The following CDC14A variants were observed in gnomAD, a reference collection of about 807,000 sequenced individuals.
CDC14A encodes dual specificity protein phosphatase CDC14A.
In CDC14A, 53 loss-of-function variants were observed where a neutral mutation model predicts 74.4. The observed-to-expected ratio is 0.71, with a 90% confidence interval of 0.57 to 0.89. CDC14A has a LOEUF of 0.89. Ranked by LOEUF, CDC14A falls within the 40% of genes least tolerant of loss-of-function variation. The probability of loss-of-function intolerance (pLI) is 0.00; values close to 1 mark genes in which losing one functional copy is unlikely to be tolerated. For synonymous variants in CDC14A, 247 were observed against 258.4 expected, an observed-to-expected ratio of 0.96 and a Z score of 0.43; for missense variants, 646 against 713.7, an observed-to-expected ratio of 0.91 and a Z score of 1.08.
chr1:100,385,933 G>A (rs962911971), intron 3 of CDC14A, among the ~76,000 whole-genome samples: 2 of 152,102 alleles, frequency 1.3e-5, no homozygotes, highest in Admixed American at 6.6e-5. Flanking sequence ...TTGAGAGGTC[G>A]GGGTGAGCAG....
intron 4 of CDC14A, chr1:100,393,424 C>G (rs1657986428): frequency 2.5e-6 from 2 of 790,114 alleles, no homozygotes; most frequent in South Asian, 2.7e-5. Flanking sequence ...TTTTTTTGAC[C>G]AGAGGAAGGG....
chr1:100,366,249 G>A (rs1217147798), intron 2 of CDC14A, among the ~76,000 whole-genome samples: 1 of 152,162 alleles, frequency 6.6e-6, no homozygotes, highest in African/African-American at 2.4e-5. Context: ...TGTATTGCAA[G>A]TACTCTGTGA....
intron 8 of CDC14A, among the ~76,000 whole-genome samples, chr1:100,459,702 C>T (rs181382562): frequency 6.6e-6 from 1 of 152,206 alleles, no homozygotes; most frequent in Admixed American, 6.5e-5. Flanking sequence ...GTGATGCCAG[C>T]GCACCATCTT....
chr1:100,364,211 T>C (rs1316049397), intron 2 of CDC14A, among the ~76,000 whole-genome samples: 2 of 152,098 alleles, frequency 1.3e-5, no homozygotes, highest in Non-Finnish European at 2.9e-5. Flanking sequence ...TTTTTTTTTT[T>C]TAATTTTTTA....
chr1:100,352,185 A>G (rs1464957673), upstream of CDC14A, among the ~76,000 whole-genome samples: 1 of 151,822 alleles, frequency 6.6e-6, no homozygotes, highest in Non-Finnish European at 1.5e-5. Context: ...GGCGATGTCC[A>G]CTCTCAACCC....
intron 2 of CDC14A, 99 bp downstream of exon 2, chr1:100,353,951 C>T (rs1377142284): frequency 4.4e-6 from 3 of 683,060 alleles, no homozygotes; most frequent in East Asian, 5.5e-5. Context: ...CATTTCCCCC[C>T]CAATGATACG....
chr1:100,469,164 C>T (rs576230358), intron 10 of CDC14A, among the ~76,000 whole-genome samples: 4 of 152,070 alleles, frequency 2.6e-5, no homozygotes, highest in Non-Finnish European at 4.4e-5. Flanking sequence ...TGTGTGAATT[C>T]GTAAAGAAAC....
At chr1:100,423,310 C>G (rs773718711) in intron 4 of CDC14A, among the ~76,000 whole-genome samples, 2 of 152,152 alleles carry the variant, frequency 1.3e-5, no homozygotes, top group African/African-American at 4.8e-5. Context: ...TCCTCCTTCC[C>G]CTTAGCTCTT....
At chr1:100,453,276 T>G (rs2101171906) in intron 7 of CDC14A, among the ~76,000 whole-genome samples, 1 of 152,366 alleles carries the variant, frequency 6.6e-6, no homozygotes, top group Middle Eastern at 3.4e-3. Context: ...AATGGATTTC[T>G]GTAATCCAAA....
chr1:100,376,630 C>T (rs1217636656), intron 2 of CDC14A, among the ~76,000 whole-genome samples: 1 of 152,126 alleles, frequency 6.6e-6, no homozygotes, highest in African/African-American at 2.4e-5. Flanking sequence ...GTGGAAGAGA[C>T]ATCACTTTTC....
chr1:100,369,779 T>A (rs569670937), intron 2 of CDC14A, among the ~76,000 whole-genome samples: 14 of 152,210 alleles, frequency 9.2e-5, no homozygotes, highest in Non-Finnish European at 1.6e-4. Flanking sequence ...TCATAAATTC[T>A]TTCCTGAGGC....
chr1:100,377,881 A>T (rs1655506602), intron 3 of CDC14A, among the ~76,000 whole-genome samples: 1 of 152,206 alleles, frequency 6.6e-6, no homozygotes, highest in Non-Finnish European at 1.5e-5. Flanking sequence ...AGAAAGCACA[A>T]ATCCTTTTAG....
Position 100,352,797 on chromosome 1 carries a change from C to T in CDC14A, c.-158C>T, listed in dbSNP as rs1251664861. The T allele has an allele frequency of 1.4e-6, 2 of 1,439,004 alleles. No individual in the cohort carries two copies. Among genetic ancestry groups the T allele is most frequent in the African/African-American group, 1.5e-5 (1 of 68,556 alleles). 89.1% of individuals were successfully genotyped at this position (1,439,004 alleles called of 1,614,324 possible). A position where few individuals can be genotyped will look rare whatever the true frequency, so the allele number is the denominator to read the frequency against. ...CCCGGGGCGCCCGGCGCGCTGACCC[C>T]GAAGCCGCCTCCGCCTTCGGCGCCT... On this transcript the variant is annotated 5_prime_UTR_variant, in exon 1 of 16. Coordinates refer to ENST00000336454, the MANE Select transcript of CDC14A (RefSeq NM_003672.4).
intron 7 of CDC14A, among the ~76,000 whole-genome samples, chr1:100,450,871 G>A (rs1666074139): frequency 6.6e-6 from 1 of 152,104 alleles, no homozygotes; most frequent in African/African-American, 2.4e-5. Context: ...GGCCTCTACT[G>A]AAACTGTTCC....
chr1:100,371,737 T>C (rs1036266477), intron 2 of CDC14A, among the ~76,000 whole-genome samples: 4 of 152,134 alleles, frequency 2.6e-5, no homozygotes, highest in Non-Finnish European at 5.9e-5. Flanking sequence ...ATTTTTGCTT[T>C]CCCAAAATTT....
chr1:100,457,305 A>T (rs917323456), intron 8 of CDC14A, among the ~76,000 whole-genome samples: 1 of 152,226 alleles, frequency 6.6e-6, no homozygotes, highest in African/African-American at 2.4e-5. Flanking sequence ...GCATCATAAC[A>T]TAGTTAATAT....
chr1:100,365,943 C>G (rs1278391205), intron 2 of CDC14A, among the ~76,000 whole-genome samples: 1 of 138,720 alleles, frequency 7.2e-6, no homozygotes, highest in Non-Finnish European at 1.6e-5. Flanking sequence ...CAAAATTTTA[C>G]ACACACACAC....
intron 15 of CDC14A, among the ~76,000 whole-genome samples, chr1:100,510,471 T>C (rs1173586158): frequency 6.6e-6 from 1 of 152,216 alleles, no homozygotes; most frequent in Non-Finnish European, 1.5e-5. Context: ...TCTGACATCT[T>C]GAATCCTGCC....
intron 4 of CDC14A, among the ~76,000 whole-genome samples, chr1:100,404,974 A>G (rs890673989): frequency 5.3e-5 from 8 of 152,238 alleles, no homozygotes; most frequent in African/African-American, 1.9e-4. Flanking sequence ...TTTGTGGTTC[A>G]TAGTTTCAAA....
Sources: gnomAD v4.1 joint callset for allele counts (sites outside exome capture counted in the v4.1 genomes callset) on GRCh38, gnomAD v4.1.1 for gene constraint, MANE v1.5 for transcripts, NCBI Gene and HGNC (gene_info 2026-07-23, HGNC 2026-07-21) for gene names.